STAB1: variants seen among roughly 807,000 people sequenced by gnomAD.
STAB1 encodes the protein stabilin-1.
In STAB1, 250 loss-of-function variants were observed where a neutral mutation model predicts 332.4. That is an observed-to-expected ratio of 0.75 (90% CI 0.68 to 0.84). STAB1 has a LOEUF of 0.84. Among genes scored for constraint, STAB1 ranks in the 40% least tolerant of loss-of-function variants. The pLI is 0.00. For synonymous variants in STAB1, 1,475 were observed against 1,390.4 expected, an observed-to-expected ratio of 1.06 and a Z score of -1.35; for missense variants, 3,249 against 3,489.7, an observed-to-expected ratio of 0.93 and a Z score of 1.74.
rs746203685 is a variant in STAB1, at chr3:52,513,896, C to A, written c.3362C>A (p.Pro1121His). 3 of 1,604,644 alleles carry A rather than the reference C, an allele frequency of 1.9e-6. No individual in the cohort carries two copies. The highest frequency in any genetic ancestry group is 2.2e-5 in the South Asian group (2 of 90,554). Residue 1121 changes from proline to histidine, a missense_variant, in exon 32 of 69, where the codon CCC (proline) becomes CAC (histidine). By Grantham distance (77) the Pro-to-His change is moderately conservative. Transcript: ENST00000321725. ...LHILSQVLLP[P>H]RGDVPGGQGL... ...GCTCTGTACCAGGTCTTACTGCCCC[C>A]CCGAGGGGATGTGCCCGGTGGGCAG...
Position 52,522,370 on chromosome 3 carries a change from A to G in STAB1, c.6506A>G (p.Asp2169Gly). 6.2e-7 allele frequency: 1 copy of G among 1,612,960 alleles called. No individual in the cohort carries two copies. The highest frequency in any genetic ancestry group is 8.5e-7 in the Non-Finnish European group (1 of 1,179,996). The stretch of plus-strand genomic sequence containing the variant: ...GAGTGCCACGCAGGCTACGTAGGCG[A>G]TGGACTGCAGTGTCTGGAGGAGTCG... Reference protein sequence around the residue: ...RCECHAGYVGDGLQCLEESEP... With the variant: ...RCECHAGYVGGGLQCLEESEP... The change falls in exon 60 of 69, where the codon GAT becomes GGT. Residue 2169 changes from aspartate to glycine, a missense_variant. Coordinates refer to ENST00000321725, the MANE Select transcript of STAB1 (RefSeq NM_015136.3).
intron 36 of STAB1, 97 bp downstream of exon 36, chr3:52,515,142 G>C (rs1179061870): frequency 4.1e-6 from 6 of 1,469,494 alleles, no homozygotes; most frequent in Non-Finnish European, 5.5e-6. Flanking sequence ...GTTTTGCTTG[G>C]CCCAGGCATC....
chr3:52,517,473 A>G (rs1575351447), intron 43 of STAB1, 77 bp from the exon 44 acceptor site: 1 of 1,588,478 alleles, frequency 6.3e-7, no homozygotes, highest in Non-Finnish European at 8.6e-7. Context: ...AGGCCCGGGG[A>G]GGGGGGTGAC....
intron 25 of STAB1, among the ~76,000 whole-genome samples, chr3:52,511,221 A>G (rs960158766): frequency 2.0e-4 from 30 of 152,218 alleles, no homozygotes; most frequent in Admixed American, 2.0e-3. Flanking sequence ...CCTGCAGTGT[A>G]GACAAGCCCA....
At position 52,507,490 on chromosome 3, in the gene STAB1, C is replaced by G. The variant is rs1188558093; in HGVS notation, c.1990-123C>G. 1.5e-5 allele frequency: 16 copies of G among 1,042,918 alleles called. No homozygotes were observed. The East Asian group carries it at 4.2e-4, about 27-fold the overall frequency. The allele number at this position is 1,042,918 out of a possible 1,614,324, so 64.6% of individuals were successfully genotyped here. On this transcript the variant is annotated intron_variant, in intron 18 of 68. Coordinates refer to ENST00000321725, the MANE Select transcript of STAB1 (RefSeq NM_015136.3). ...CTCTCCTCTGCCTGGAATGCCAGTGCTGGGCTTCCTGTGGTTGGCTCTTCT... is the reference window on the plus strand; with the variant it reads ...CTCTCCTCTGCCTGGAATGCCAGTGGTGGGCTTCCTGTGGTTGGCTCTTCT...
chr3:52,501,912 G>C, intron 3 of STAB1, 94 bp from the exon 4 acceptor site: 9 of 1,517,400 alleles, frequency 5.9e-6, no homozygotes, highest in Non-Finnish European at 8.1e-6. Context: ...TGCTTCCTTG[G>C]GGGAGGGGCC....
chr3:52,518,494 A>T, intron 46 of STAB1, 42 bp from the exon 47 acceptor site: 1 of 1,564,430 alleles, frequency 6.4e-7, no homozygotes, highest in Non-Finnish European at 8.7e-7. Flanking sequence ...TGGACGCCTC[A>T]GGCTTCTCCC....
intron 3 of STAB1, 92 bp from the exon 4 acceptor site, chr3:52,501,914 G>C: frequency 6.6e-7 from 1 of 1,518,066 alleles, no homozygotes; most frequent in South Asian, 1.2e-5. Context: ...CTTCCTTGGG[G>C]GAGGGGCCGA....
At chr3:52,510,642 T>C (rs1709231431) in intron 25 of STAB1, 135 bp downstream of exon 25, 2 of 1,174,902 alleles carry the variant, frequency 1.7e-6, no homozygotes, top group South Asian at 1.6e-5. Flanking sequence ...AGTGCTGACA[T>C]GCTGAGTAGT....
In STAB1 at chr3:52,518,791, GCTGCGGAGCGAGGAC is replaced by G; in HGVS notation, c.4961_4975del (p.Arg1654_Leu1658del). 1 of 1,612,040 alleles carries G rather than the reference GCTGCGGAGCGAGGAC, an allele frequency of 6.2e-7. No homozygotes were observed. The highest frequency in any genetic ancestry group is 8.5e-7 in the Non-Finnish European group (1 of 1,179,774). On this transcript the variant is annotated inframe_deletion, in exon 48 of 69. Transcript: ENST00000321725. Reference sequence around the variant, plus strand: ...GCTACCACGTGGTTGGCTGTCGGCGGCTGCGGAGCGAGGACCTGCTGGAGCAGGGGTACGCCACGG... The same window carrying G: ...GCTACCACGTGGTTGGCTGTCGGCGGCTGCTGGAGCAGGGGTACGCCACGG...
rs1047578017 is a variant in STAB1 at position 52,508,174 on chromosome 3, C to T, written c.2149-99C>T. Reference sequence around the variant, plus strand: ...AAAGGGGTCCCAGAGAAACCTTATCCACTCCGTCACTCTGGAGATGGGGCC... The same window carrying T: ...AAAGGGGTCCCAGAGAAACCTTATCTACTCCGTCACTCTGGAGATGGGGCC... On this transcript the variant is annotated intron_variant, in intron 20 of 68. Coordinates refer to ENST00000321725, the MANE Select transcript of STAB1 (RefSeq NM_015136.3). The T allele has an allele frequency of 3.7e-6, 5 of 1,361,570 alleles. No homozygotes were observed. In the Admixed American group the frequency reaches 7.5e-5, roughly 21 times the overall value. The allele number at this position is 1,361,570 out of a possible 1,614,324, so 84.3% of individuals were successfully genotyped here. A position where few individuals can be genotyped will look rare whatever the true frequency, so the allele number is the denominator to read the frequency against.
chr3:52,515,691 G>A (rs1463733145), intron 37 of STAB1, among the ~76,000 whole-genome samples, 185 bp downstream of exon 37: 2 of 152,142 alleles, frequency 1.3e-5, no homozygotes, highest in Non-Finnish European at 2.9e-5. Context: ...GTTTGTCCCT[G>A]TGTCCACTCC....
Position 52,510,132 on chromosome 3 carries a change from C to T in STAB1, c.2535-10C>T, listed in dbSNP as rs767357997. ...GGCTCACTGGAGCCCCCTCCTTCACCCACCCCCAGATGTCGCTGTCTTGAT... is the reference window on the plus strand; with the variant it reads ...GGCTCACTGGAGCCCCCTCCTTCACTCACCCCCAGATGTCGCTGTCTTGAT... On this transcript the variant is annotated splice_polypyrimidine_tract_variant and intron_variant, in intron 23 of 68. Transcript: ENST00000321725. 10 of 1,613,822 alleles carry T rather than the reference C, an allele frequency of 6.2e-6. No individual in the cohort carries two copies. The African/African-American group carries it at 1.3e-4, about 22-fold the overall frequency.
At chr3:52,509,140 G>A (rs1232493921) in intron 21 of STAB1, 70 bp from the exon 22 acceptor site, 56 of 1,392,194 alleles carry the variant, frequency 4.0e-5, no homozygotes, top group Non-Finnish European at 5.3e-5. Context: ...ATGAAAGGAG[G>A]GGGTGTTGGG....
At chr3:52,505,434 A>T in intron 14 of STAB1, 53 bp downstream of exon 14, 1 of 1,559,940 alleles carries the variant, frequency 6.4e-7, no homozygotes, top group Non-Finnish European at 8.8e-7. Flanking sequence ...CTTCTGAGCC[A>T]GGACTCATTA....
Position 52,517,541 on chromosome 3 carries a change from T to G in STAB1, c.4564-9T>G, listed in dbSNP as rs889576385. 2 of 1,612,362 alleles carry G rather than the reference T, an allele frequency of 1.2e-6. No homozygotes were observed. The highest frequency in any genetic ancestry group is 1.7e-6 in the Non-Finnish European group (2 of 1,179,706). On this transcript the variant is annotated splice_polypyrimidine_tract_variant and intron_variant, in intron 43 of 68. Coordinates refer to ENST00000321725, the MANE Select transcript of STAB1 (RefSeq NM_015136.3). ...TCCCAGCAGCCCCACTGATCAAGAC[T>G]GGGGACAGGTCTCCTGCAGCTGCCG...
At chr3:52,497,499 GC>G (rs1708126293) in intron 1 of STAB1, among the ~76,000 whole-genome samples, 1 of 134,614 alleles carries the variant, frequency 7.4e-6, no homozygotes, top group African/African-American at 2.9e-5. Flanking sequence ...TGCAACCTCT[GC>G]CTCCCAGCTT....
chr3:52,512,240 G>A, intron 26 of STAB1, 101 bp from the exon 27 acceptor site: 3 of 1,127,310 alleles, frequency 2.7e-6, no homozygotes, highest in Non-Finnish European at 4.0e-6. Context: ...GCAAGGGGCA[G>A]GGGCTGGGGC....
At chr3:52,523,182 G>C in intron 63 of STAB1, 40 bp from the exon 64 acceptor site, 1 of 1,612,364 alleles carries the variant, frequency 6.2e-7, no homozygotes, top group South Asian at 1.1e-5. Flanking sequence ...GATCCCCGAG[G>C]AGGGAGCCTG....
Sources: allele counts gnomAD v4.1 joint callset (sites outside exome capture counted in the v4.1 genomes callset), GRCh38; gene constraint gnomAD v4.1.1; transcripts MANE v1.5; gene names NCBI Gene and HGNC (gene_info 2026-07-23, HGNC 2026-07-21).